The following DIS3L2 variants were observed in gnomAD, a reference collection of about 807,000 sequenced individuals.
DIS3L2 encodes the protein DIS3 like 3'-5' exoribonuclease 2.
A neutral mutation model predicts 97.5 loss-of-function variants in DIS3L2; 34 were observed. The observed-to-expected ratio is 0.35, with a 90% CI of 0.27 to 0.46. The LOEUF (loss-of-function observed/expected upper bound fraction) is 0.46. Ranked by LOEUF, DIS3L2 falls within the 20% of genes least tolerant of loss-of-function variation. DIS3L2 has a pLI of 1.00. For missense variants in DIS3L2, 1,038 were observed against 1,146.0 expected (o/e 0.91, Z 1.36); for synonymous variants, 435 against 445.2 (o/e 0.98, Z 0.29).
At chr2:232,090,372 A>G (rs1696802746) in intron 6 of DIS3L2, among the ~76,000 whole-genome samples, 1 of 152,168 alleles carries the variant, frequency 6.6e-6, no homozygotes. Context: ...GACTGAGGGA[A>G]CAACCTTAAT....
At chr2:232,073,324 G>A (rs1238405103) in intron 5 of DIS3L2, among the ~76,000 whole-genome samples, 1 of 152,146 alleles carries the variant, frequency 6.6e-6, no homozygotes, top group African/African-American at 2.4e-5. Flanking sequence ...TGAATCCGAG[G>A]CTCAGGTAGT....
At chr2:232,215,516 C>T (rs1486754891) in intron 10 of DIS3L2, among the ~76,000 whole-genome samples, 1 of 152,182 alleles carries the variant, frequency 6.6e-6, no homozygotes, top group Non-Finnish European at 1.5e-5. Context: ...GGTTGCATGA[C>T]ATTTTTTGGG....
intron 3 of DIS3L2, 58 bp from the exon 4 acceptor site, chr2:232,024,219 G>C (rs1368031710): frequency 7.7e-7 from 1 of 1,300,810 alleles, no homozygotes; most frequent in East Asian, 2.4e-5. Context: ...AATAACATAC[G>C]TGGAAAAATC....
At chr2:232,252,670 G>A (rs1434903661) in intron 12 of DIS3L2, among the ~76,000 whole-genome samples, 2 of 152,234 alleles carry the variant, frequency 1.3e-5, no homozygotes, top group East Asian at 3.8e-4. Flanking sequence ...GGAGGCCGAA[G>A]CGGGCAGATT....
chr2:232,312,648 T>C (rs1695168842), intron 14 of DIS3L2, among the ~76,000 whole-genome samples: 1 of 152,230 alleles, frequency 6.6e-6, no homozygotes, highest in Admixed American at 6.5e-5. Flanking sequence ...ACAAACTTGC[T>C]AGGATTTATA....
chr2:232,067,513 A>G (rs528096103), intron 5 of DIS3L2, among the ~76,000 whole-genome samples: 4 of 152,196 alleles, frequency 2.6e-5, no homozygotes, highest in East Asian at 1.9e-4. Flanking sequence ...TCTGCAAGAT[A>G]TCAAGCTCTT....
At chr2:232,148,053 C>T (rs1438647274) in intron 8 of DIS3L2, among the ~76,000 whole-genome samples, 1 of 144,492 alleles carries the variant, frequency 6.9e-6, no homozygotes, top group Non-Finnish European at 1.5e-5. Flanking sequence ...CCTCCCCTCC[C>T]CTCCCCTCTT....
At chr2:232,182,536 T>G (rs1691319765) in intron 9 of DIS3L2, among the ~76,000 whole-genome samples, 1 of 152,230 alleles carries the variant, frequency 6.6e-6, no homozygotes, top group African/African-American at 2.4e-5. Context: ...ATATTACAGT[T>G]GAATTCTACA....
intron 14 of DIS3L2, among the ~76,000 whole-genome samples, chr2:232,314,552 C>T (rs143706171): frequency 1.6e-3 from 243 of 152,282 alleles, no homozygotes; most frequent in African/African-American, 5.4e-3. Context: ...AGAGATTTCC[C>T]TATGAGACAG....
intron 3 of DIS3L2, among the ~76,000 whole-genome samples, chr2:232,016,654 C>T (rs1203196806): frequency 6.6e-6 from 1 of 152,064 alleles, no homozygotes. Context: ...GCAGCTTAGG[C>T]CTCCTTGGGC....
intron 11 of DIS3L2, among the ~76,000 whole-genome samples, chr2:232,246,500 T>C (rs964039953): frequency 6.6e-6 from 1 of 152,204 alleles, no homozygotes; most frequent in African/African-American, 2.4e-5. Context: ...TTGGATACCG[T>C]GGGCTGGCCA....
At chr2:232,137,183 G>A (rs1017021393) in intron 8 of DIS3L2, among the ~76,000 whole-genome samples, 1 of 152,086 alleles carries the variant, frequency 6.6e-6, no homozygotes, top group Admixed American at 6.5e-5. Flanking sequence ...TTTGCCTGTG[G>A]CATTAAAAAC....
chr2:232,310,652 G>A (rs1156421121), intron 14 of DIS3L2, among the ~76,000 whole-genome samples: 1 of 152,230 alleles, frequency 6.6e-6, no homozygotes, highest in Non-Finnish European at 1.5e-5. Context: ...TAGAGAGAGA[G>A]AAACAGATGC....
rs532328272 is a variant in DIS3L2 at position 232,250,968 on chromosome 2, A to C, written c.1425+1622A>C. Among the ~76,000 whole-genome samples, 6 of 152,338 alleles carry C rather than the reference A, an allele frequency of 3.9e-5. No individual in the cohort carries two copies. The East Asian group carries it at 1.2e-3, about 29-fold the overall frequency. On this transcript the variant is annotated intron_variant, in intron 12 of 20. Transcript: ENST00000325385. ...GTAAAGCTTACAGACAATAAGCTTC[A>C]CCCGCACAATCAGAGCTTTTTAGGA...
At chr2:232,302,248 G>T (rs1201691953) in intron 14 of DIS3L2, among the ~76,000 whole-genome samples, 1 of 151,932 alleles carries the variant, frequency 6.6e-6, no homozygotes, top group Admixed American at 6.6e-5. Context: ...GGAGTGGGGG[G>T]AGTGGGGAGG....
At chr2:232,125,295 G>A (rs1319232566) in intron 6 of DIS3L2, among the ~76,000 whole-genome samples, 1 of 152,206 alleles carries the variant, frequency 6.6e-6, no homozygotes, top group Non-Finnish European at 1.5e-5. Context: ...ACATAGGAGC[G>A]AGCTCCCTGA....
intron 9 of DIS3L2, among the ~76,000 whole-genome samples, chr2:232,166,952 C>T (rs1353162052): frequency 1.3e-5 from 2 of 151,290 alleles, no homozygotes; most frequent in Admixed American, 1.3e-4. Context: ...ACCCAGGAGG[C>T]AGAGGTTGCA....
intron 3 of DIS3L2, among the ~76,000 whole-genome samples, chr2:232,019,213 T>C (rs1694441894): frequency 6.6e-6 from 1 of 152,162 alleles, no homozygotes; most frequent in Admixed American, 6.6e-5. Context: ...TCCAGGAAGA[T>C]AGAGGTCAGG....
At chr2:232,290,977 G>GT (rs1193767076) in intron 13 of DIS3L2, among the ~76,000 whole-genome samples, 1 of 152,190 alleles carries the variant, frequency 6.6e-6, no homozygotes, top group African/African-American at 2.4e-5. Context: ...GGTTTGTGAA[G>GT]TTGAGCGTCA....
Sources: gnomAD v4.1 joint callset for allele counts (sites outside exome capture counted in the v4.1 genomes callset) on GRCh38, gnomAD v4.1.1 for gene constraint, MANE v1.5 for transcripts, NCBI Gene and HGNC (gene_info 2026-07-23, HGNC 2026-07-21) for gene names.